The following PCDHGA4 variants were observed in gnomAD, a reference collection of about 807,000 sequenced individuals.
PCDHGA4 encodes protocadherin gamma-A4.
Under a neutral mutation model 54.6 loss-of-function variants are expected in PCDHGA4, and 38 were observed. The observed-to-expected ratio is 0.70, with a 90% CI of 0.54 to 0.91. The LOEUF (loss-of-function observed/expected upper bound fraction) is 0.91, where lower values mean the gene tolerates loss of function less well. Among genes scored for constraint, PCDHGA4 ranks in the 40% least tolerant of loss-of-function variants. PCDHGA4 has a pLI of 0.00. For missense variants in PCDHGA4, 1,298 were observed against 1,220.9 expected, an observed-to-expected ratio of 1.06 and a Z score of -0.94; for synonymous variants, 511 against 512.9, an observed-to-expected ratio of 1.00 and a Z score of 0.05.
intron 1 of PCDHGA4, among the ~76,000 whole-genome samples, chr5:141,466,080 C>A (rs1186062704): frequency 6.6e-6 from 1 of 152,108 alleles, no homozygotes; most frequent in East Asian, 1.9e-4. Flanking sequence ...TGATATCATG[C>A]CACTGCACTC....
chr5:141,388,958 C>G, intron 1 of PCDHGA4: 1 of 1,613,930 alleles, frequency 6.2e-7, no homozygotes, highest in Non-Finnish European at 8.5e-7. Context: ...TGGAGGACGC[C>G]GAGCTGGGAA....
In PCDHGA4 at chr5:141,409,580, C is replaced by T. The variant is rs969743613; in HGVS notation, c.2514+51959C>T. The T allele has an allele frequency of 3.7e-6, 6 of 1,613,922 alleles. No homozygotes were observed. The Admixed American group carries it at 8.3e-5, about 22-fold the overall frequency. The stretch of plus-strand genomic sequence containing the variant: ...TTTCGACCAGACGTCCTACGTGGTC[C>T]ACGTGGCCGAGAACAACCCGCCAGG... On this transcript the variant is annotated intron_variant, in intron 1 of 3. Transcript: ENST00000571252.
chr5:141,419,794 T>C (rs368369787), intron 1 of PCDHGA4: 54 of 1,613,930 alleles, frequency 3.3e-5, no homozygotes, highest in Non-Finnish European at 4.5e-5. Flanking sequence ...TGCTAGTCGC[T>C]GTAAGAGATG....
intron 1 of PCDHGA4, chr5:141,416,834 C>T (rs966016844): frequency 4.6e-5 from 7 of 151,848 alleles, no homozygotes; most frequent in Non-Finnish European, 1.0e-4. Flanking sequence ...TTCTCAAGAC[C>T]CTTATAATTC....
At position 141,485,074 on chromosome 5, in the gene PCDHGA4, G is replaced by T. The variant is rs2099606548; in HGVS notation, c.2515-9733G>T. On this transcript the variant is annotated intron_variant, in intron 1 of 3. Transcript: ENST00000571252. The surrounding 1 kb of genome is among the most constrained non-coding windows in gnomAD (Gnocchi z 5.7). ...GGCCGAACCGCGCCAGAGCTGGCGCGGGGAAAGGGAGATAGGTGTCTCCAG... is the reference window on the plus strand; with the variant it reads ...GGCCGAACCGCGCCAGAGCTGGCGCTGGGAAAGGGAGATAGGTGTCTCCAG... The T allele has an allele frequency of 2.2e-6, 2 of 926,946 alleles. No homozygotes were observed. The highest frequency in any genetic ancestry group is 3.4e-6 in the Non-Finnish European group (2 of 596,630). 57.4% of individuals were successfully genotyped at this position (926,946 alleles called of 1,614,324 possible). A position where few individuals can be genotyped will look rare whatever the true frequency, so the allele number is the denominator to read the frequency against.
At chr5:141,376,186 C>T in intron 1 of PCDHGA4, 2 of 1,614,136 alleles carry the variant, frequency 1.2e-6, no homozygotes, top group Non-Finnish European at 1.7e-6. Flanking sequence ...CCGCGGTCTC[C>T]TGCGTCTTCC....
chr5:141,359,322 A>G (rs1761174908), intron 1 of PCDHGA4, among the ~76,000 whole-genome samples: 1 of 152,154 alleles, frequency 6.6e-6, no homozygotes, highest in Non-Finnish European at 1.5e-5. Flanking sequence ...GGCATTAGGA[A>G]TATATTCCAG....
chr5:141,509,199 GTC>G (rs1017134758), intron 3 of PCDHGA4, among the ~76,000 whole-genome samples: 1 of 152,070 alleles, frequency 6.6e-6, no homozygotes, highest in Non-Finnish European at 1.5e-5. Context: ...AATATTTCCT[GTC>G]TCTCTATTTC....
intron 1 of PCDHGA4, among the ~76,000 whole-genome samples, chr5:141,474,420 T>C (rs1260451051): frequency 2.0e-5 from 3 of 152,226 alleles, no homozygotes; most frequent in Admixed American, 2.0e-4. Flanking sequence ...GCCTAGACCA[T>C]TGGTCCTCAC....
chr5:141,476,306 C>T lies in PCDHGA4; in HGVS notation c.2515-18501C>T, dbSNP rs1011265476. The T allele has an allele frequency of 1.2e-6, 2 of 1,613,464 alleles. No homozygotes were observed. Among genetic ancestry groups the T allele is most frequent in the African/African-American group, 2.7e-5 (2 of 74,688 alleles). On this transcript the variant is annotated intron_variant, in intron 1 of 3. Transcript: ENST00000571252. The surrounding 1 kb of genome is among the most constrained non-coding windows in gnomAD (Gnocchi z 7.6). ...TTTGGATCTCGGTAGCCTCTCAGCCCGCAGGTTCCGGGTGGTGTCTGGAGC... is the reference window on the plus strand; with the variant it reads ...TTTGGATCTCGGTAGCCTCTCAGCCTGCAGGTTCCGGGTGGTGTCTGGAGC...
chr5:141,392,101 C>G (rs1234202076), intron 1 of PCDHGA4: 1 of 152,130 alleles, frequency 6.6e-6, no homozygotes, highest in Non-Finnish European at 1.5e-5. Context: ...AATTTAAAAG[C>G]AACAACTCTA....
At position 141,487,991 on chromosome 5, in the gene PCDHGA4, G is replaced by C. The variant is rs932744807; in HGVS notation, c.2515-6816G>C. ...GCTGTTTTCTCTACTCTTCCTGAAA[G>C]AGGGGATCAGATTCTGAAGTACCTT... On this transcript the variant is annotated intron_variant, in intron 1 of 3. Coordinates refer to ENST00000571252, the MANE Select transcript of PCDHGA4 (RefSeq NM_018917.4). The surrounding 1 kb of genome is among the most constrained non-coding windows in gnomAD (Gnocchi z 5.0). 2.6e-5 allele frequency among the ~76,000 whole-genome samples: 4 copies of C among 152,194 alleles called. No homozygotes were observed. The highest frequency in any genetic ancestry group is 4.4e-5 in the Non-Finnish European group (3 of 68,030).
In PCDHGA4 at chr5:141,355,030, A is replaced by G. The variant is rs1383084730; in HGVS notation, c.-78A>G. 4 of 976,996 alleles carry G rather than the reference A, an allele frequency of 4.1e-6. No individual in the cohort carries two copies. The highest frequency in any genetic ancestry group is 3.3e-5 in the African/African-American group (2 of 60,456). 60.5% of individuals were successfully genotyped at this position (976,996 alleles called of 1,614,324 possible). ...AACCAGAAATTTAATCAGAATCACA[A>G]GATTTCTGCAGCACAAAGCACTGGC... is the stretch of plus-strand genomic sequence containing the variant. On this transcript the variant is annotated 5_prime_UTR_variant, in exon 1 of 4. Transcript: ENST00000571252.
intron 1 of PCDHGA4, among the ~76,000 whole-genome samples, chr5:141,438,745 T>C (rs1004731034): frequency 4.7e-5 from 7 of 147,392 alleles, no homozygotes; most frequent in Non-Finnish European, 1.0e-4. Flanking sequence ...CACTGCAACC[T>C]CTGCCTCCTG....
chr5:141,473,655 G>A (rs2099326380), intron 1 of PCDHGA4, among the ~76,000 whole-genome samples: 1 of 152,182 alleles, frequency 6.6e-6, no homozygotes, highest in Non-Finnish European at 1.5e-5. Context: ...AACAATTTGT[G>A]TGAAGGCCCT....
chr5:141,382,147 C>A (rs1343948050), intron 1 of PCDHGA4, among the ~76,000 whole-genome samples: 1 of 151,884 alleles, frequency 6.6e-6, no homozygotes, highest in East Asian at 1.9e-4. Context: ...ATTTTTTAAA[C>A]GGTTAAAATG....
intron 2 of PCDHGA4, among the ~76,000 whole-genome samples, chr5:141,501,324 CA>C (rs1311475307): frequency 7.2e-5 from 11 of 151,778 alleles, no homozygotes; most frequent in African/African-American, 1.9e-4. Flanking sequence ...CACACACACA[CA>C]CACACACACC....
intron 1 of PCDHGA4, chr5:141,415,176 C>T: frequency 6.2e-7 from 1 of 1,613,934 alleles, no homozygotes; most frequent in Non-Finnish European, 8.5e-7. Context: ...TCACCGTGGC[C>T]GTGGCCGACA....
At chr5:141,388,353 G>A (rs1441506976) in intron 1 of PCDHGA4, 1 of 1,613,858 alleles carries the variant, frequency 6.2e-7, no homozygotes, top group Non-Finnish European at 8.5e-7. Flanking sequence ...ATTAGGATCT[G>A]CCCATGATGC....
Sources: gnomAD v4.1 joint callset for allele counts (sites outside exome capture counted in the v4.1 genomes callset) on GRCh38, gnomAD v4.1.1 for gene constraint, Gnocchi (gnomAD v3.1) non-coding constraint, MANE v1.5 for transcripts, NCBI Gene and HGNC (gene_info 2026-07-23, HGNC 2026-07-21) for gene names.